Variants in PAPPA observed in about 807,000 individuals in gnomAD.
PAPPA encodes pappalysin 1.
A neutral mutation model predicts 164.0 loss-of-function variants in PAPPA; 60 were observed. The observed-to-expected ratio is 0.37, with a 90% CI of 0.30 to 0.45. The LOEUF (loss-of-function observed/expected upper bound fraction) is 0.45. PAPPA is among the 20% of genes least tolerant of loss of function. The pLI, the probability that PAPPA is intolerant of heterozygous loss-of-function variation, is 1.00. For synonymous variants in PAPPA, 875 were observed against 814.1 expected (o/e 1.07, Z -1.27); for missense variants, 1,782 against 2,087.3 (o/e 0.85, Z 2.85).
At chr9:116,308,745 T>C (rs1845678469) in intron 10 of PAPPA, among the ~76,000 whole-genome samples, 1 of 152,204 alleles carries the variant, frequency 6.6e-6, no homozygotes, top group South Asian at 2.1e-4. Context: ...AATACTGCCC[T>C]ACAATTTTTG....
rs566108702 is a variant in PAPPA at position 116,278,928 on chromosome 9, C to T, written c.2953+7512C>T. Among the ~76,000 whole-genome samples, 8 of 152,318 alleles carry T rather than the reference C, an allele frequency of 5.3e-5. No homozygotes were observed. The South Asian group carries it at 6.2e-4, about 12-fold the overall frequency. ...GTGGACAATCAAGGATGTCAGTTAA[C>T]GCCACCTCTTCTTCCCCTTCCTCAT... On this transcript the variant is annotated intron_variant, in intron 9 of 21. Coordinates refer to ENST00000328252, the MANE Select transcript of PAPPA (RefSeq NM_002581.5).
intron 17 of PAPPA, among the ~76,000 whole-genome samples, chr9:116,358,371 G>A (rs1329968687): frequency 6.6e-6 from 1 of 152,246 alleles, no homozygotes; most frequent in Non-Finnish European, 1.5e-5. Context: ...ACTGGGAACA[G>A]AGACAAATGA....
intron 9 of PAPPA, among the ~76,000 whole-genome samples, chr9:116,284,764 C>T (rs145396479): frequency 1.3e-5 from 2 of 152,228 alleles, no homozygotes; most frequent in African/African-American, 2.4e-5. Context: ...TCTTCCCTCT[C>T]TGCCATTTCC....
chr9:116,269,478 T>C (rs1388639088), intron 8 of PAPPA, among the ~76,000 whole-genome samples: 3 of 152,190 alleles, frequency 2.0e-5, no homozygotes, highest in Admixed American at 2.0e-4. Flanking sequence ...AATTACAGCC[T>C]CTTATAAGGG....
rs1361627797 is a variant in PAPPA at position 116,396,990 on chromosome 9, G to A, written c.*374G>A. 5.4e-6 allele frequency: 1 copy of A among 186,848 alleles called. No homozygotes were observed. Among genetic ancestry groups the A allele is most frequent in the East Asian group, 1.4e-4 (1 of 7,016 alleles). 11.6% of individuals were successfully genotyped at this position (186,848 alleles called of 1,614,324 possible). On this transcript the variant is annotated 3_prime_UTR_variant, in exon 22 of 22. Coordinates refer to ENST00000328252, the MANE Select transcript of PAPPA (RefSeq NM_002581.5). ...CATACACACCCATACAAACATCTGT[G>A]TGAGGGCAGTTCTGGAGATGAGCAG...
At chr9:116,216,738 T>A (rs1587956464) in intron 4 of PAPPA, among the ~76,000 whole-genome samples, 1 of 123,336 alleles carries the variant, frequency 8.1e-6, no homozygotes, top group African/African-American at 3.2e-5. Context: ...CGACTTCAGC[T>A]TTTTTTTTAT....
At chr9:116,344,962 G>A (rs2118977615) in intron 14 of PAPPA, among the ~76,000 whole-genome samples, 1 of 152,342 alleles carries the variant, frequency 6.6e-6, no homozygotes, top group Admixed American at 6.5e-5. Flanking sequence ...ATGTTTTTGT[G>A]TAGGTTGCAA....
chr9:116,290,664 T>TTC (rs904137498), intron 9 of PAPPA, among the ~76,000 whole-genome samples: 13 of 151,572 alleles, frequency 8.6e-5, no homozygotes, highest in African/African-American at 3.1e-4. Context: ...TCTCTTTTCT[T>TTC]TCTCTCTCTC....
Position 116,235,507 on chromosome 9 carries a change from A to C in PAPPA, c.2602A>C (p.Met868Leu). The C allele has an allele frequency of 6.2e-7, 1 of 1,613,668 alleles. No individual in the cohort carries two copies. The highest frequency in any genetic ancestry group is 8.5e-7 in the Non-Finnish European group (1 of 1,180,008). ...TGAGCACCTGGAGATCGATGCTGCC[A>C]TGTTGACCTCCACTGCAGACACCCC... ...LDEHLEIDAA[M>L]LTSTADTPLC... The change falls in exon 7 of 22, where the codon ATG (methionine) becomes CTG (leucine). Residue 868 changes from methionine (M) to leucine (L), a missense_variant. Coordinates refer to ENST00000328252, the MANE Select transcript of PAPPA (RefSeq NM_002581.5).
intron 8 of PAPPA, among the ~76,000 whole-genome samples, chr9:116,267,860 C>T (rs1312131935): frequency 3.4e-5 from 4 of 118,286 alleles, no homozygotes; most frequent in African/African-American, 6.5e-5. Flanking sequence ...CCGGCCTGGG[C>T]GACAGAGCGA....
At chr9:116,353,534 A>G in intron 16 of PAPPA, 88 bp from the exon 17 acceptor site, 2 of 1,205,016 alleles carry the variant, frequency 1.7e-6, no homozygotes, top group Non-Finnish European at 1.2e-6. Context: ...GAAATAGGAA[A>G]TGGGGGCCCA....
chr9:116,159,503 G>T (rs1004174910), intron 1 of PAPPA, among the ~76,000 whole-genome samples: 1 of 152,074 alleles, frequency 6.6e-6, no homozygotes, highest in Admixed American at 6.5e-5. Flanking sequence ...TCTTTGACAT[G>T]CTAGGATTAC....
At position 116,302,886 on chromosome 9, in the gene PAPPA, C is replaced by T; in HGVS notation, c.3083C>T (p.Ser1028Leu). ...GFLDQWASNA[S>L]VSHQDQQCPG... The stretch of plus-strand genomic sequence containing the variant: ...CTGGATCAGTGGGCATCCAATGCTT[C>T]AGTATCTCATCAAGACCAGCAATGC... The change falls in exon 10 of 22, where the codon TCA (serine) becomes TTA (leucine). Residue 1028 changes from serine (S) to leucine (L), a missense_variant. Physicochemically the swap from Ser to Leu is moderately radical, Grantham distance 145. Around this residue, in one of 2 missense-constraint regions of PAPPA, gnomAD observed 1,324 missense variants for 1,656.9 expected, o/e 0.80. Coordinates refer to ENST00000328252, the MANE Select transcript of PAPPA (RefSeq NM_002581.5). The T allele has an allele frequency of 1.2e-6, 2 of 1,614,132 alleles. No individual in the cohort carries two copies. The highest frequency in any genetic ancestry group is 1.7e-6 in the Non-Finnish European group (2 of 1,179,988).
chr9:116,323,350 C>A (rs1403236764), intron 10 of PAPPA, among the ~76,000 whole-genome samples: 2 of 152,022 alleles, frequency 1.3e-5, no homozygotes, highest in Non-Finnish European at 2.9e-5. Context: ...CATCCTGGCC[C>A]GTCACAGAGG....
At chr9:116,375,192 T>A (rs1285208780) in intron 19 of PAPPA, among the ~76,000 whole-genome samples, 2 of 152,220 alleles carry the variant, frequency 1.3e-5, no homozygotes, top group Non-Finnish European at 2.9e-5. Context: ...CAAATCAGAA[T>A]TGCAACCACA....
chr9:116,328,138 C>T (rs1255549229), intron 10 of PAPPA, among the ~76,000 whole-genome samples: 1 of 152,126 alleles, frequency 6.6e-6, no homozygotes, highest in African/African-American at 2.4e-5. Context: ...GATAAGACCC[C>T]CAATCCAGCC....
Position 116,320,762 on chromosome 9 carries a change from T to C in PAPPA, c.3148-10482T>C, listed in dbSNP as rs1072500. ...GTGTGTGTATGTGTATGTGTGTGTG[T>C]GCCTGTGTGTTGTGTTGTGTTGTGT... is the stretch of plus-strand genomic sequence containing the variant. On this transcript the variant is annotated intron_variant, in intron 10 of 21. Transcript: ENST00000328252. 9.8e-3 allele frequency among the ~76,000 whole-genome samples: 1,485 copies of C among 152,286 alleles called. 19 individuals carry two copies. The highest frequency in any genetic ancestry group is 0.043 in the South Asian group (207 of 4,818).
Position 116,265,868 on chromosome 9 carries a change from T to C in PAPPA, c.2744T>C (p.Leu915Pro). Reference sequence around the variant, plus strand: ...TTTGTATTTTCCAGGGATCTAAATCTTGGCAGTGTGTACCAGTATTGGGTC... The same window carrying C: ...TTTGTATTTTCCAGGGATCTAAATCCTGGCAGTGTGTACCAGTATTGGGTC... ...NRKFVDMDLNLGSVYQYWVIT... is the reference protein window; with the variant it reads ...NRKFVDMDLNPGSVYQYWVIT... Residue 915 changes from leucine (L) to proline (P), a missense_variant, in exon 8 of 22, where the codon CTT becomes CCT. This residue lies in a region of PAPPA where 1,324 missense variants were observed against 1,656.9 expected (regional missense o/e 0.80). Coordinates refer to ENST00000328252, the MANE Select transcript of PAPPA (RefSeq NM_002581.5). 6.2e-7 allele frequency: 1 copy of C among 1,601,416 alleles called. No homozygotes were observed. The highest frequency in any genetic ancestry group is 1.1e-5 in the South Asian group (1 of 90,344).
At chr9:116,241,410 A>G (rs903035884) in intron 7 of PAPPA, among the ~76,000 whole-genome samples, 13 of 152,194 alleles carry the variant, frequency 8.5e-5, no homozygotes, top group African/African-American at 2.7e-4. Context: ...TGATGAGATG[A>G]CATTTGAACA....
Sources: allele counts gnomAD v4.1 joint callset (sites outside exome capture counted in the v4.1 genomes callset), GRCh38; gene constraint gnomAD v4.1.1; regional missense constraint gnomAD v4.1.1; transcripts MANE v1.5; gene names NCBI Gene and HGNC (gene_info 2026-07-23, HGNC 2026-07-21).